CDK14: variants seen among roughly 807,000 people sequenced by gnomAD.
The protein encoded by CDK14 is cyclin dependent kinase 14.
A neutral mutation model predicts 60.7 loss-of-function variants in CDK14; 34 were observed. The ratio of observed to expected loss-of-function variants is 0.56; its 90% CI spans 0.43 to 0.75. CDK14 has a LOEUF of 0.75. CDK14 is among the 30% of genes least tolerant of loss of function. The probability of loss-of-function intolerance (pLI) is 0.00; values close to 1 mark genes in which losing one functional copy is unlikely to be tolerated. For synonymous variants in CDK14, 197 were observed against 203.7 expected, an observed-to-expected ratio of 0.97 and a Z score of 0.28; for missense variants, 482 against 564.1, an observed-to-expected ratio of 0.85 and a Z score of 1.47.
chr7:91,060,405 A>C (rs1441899242), intron 11 of CDK14, among the ~76,000 whole-genome samples: 1 of 152,024 alleles, frequency 6.6e-6, no homozygotes, highest in Non-Finnish European at 1.5e-5. Context: ...TTTACATTTA[A>C]GGTTAATATT....
intron 12 of CDK14, among the ~76,000 whole-genome samples, chr7:91,104,989 AT>A (rs1355269513): frequency 6.6e-6 from 1 of 152,226 alleles, no homozygotes; most frequent in Non-Finnish European, 1.5e-5. Flanking sequence ...GATTACAGGG[AT>A]TATAAATATA....
intron 8 of CDK14, among the ~76,000 whole-genome samples, chr7:90,947,094 G>A (rs531746019): frequency 2.0e-5 from 3 of 152,118 alleles, no homozygotes; most frequent in Non-Finnish European, 4.4e-5. Flanking sequence ...TTCTTCACAG[G>A]CTTTTTGTCT....
At chr7:90,807,228 G>C (rs1445515145) in intron 5 of CDK14, among the ~76,000 whole-genome samples, 1 of 152,224 alleles carries the variant, frequency 6.6e-6, no homozygotes, top group Non-Finnish European at 1.5e-5. Flanking sequence ...AGTAGGGGCA[G>C]ACTGACACCT....
chr7:90,776,468 A>T (rs1358714662), intron 4 of CDK14, among the ~76,000 whole-genome samples: 1 of 152,232 alleles, frequency 6.6e-6, no homozygotes, highest in Non-Finnish European at 1.5e-5. Flanking sequence ...ACAATCAAAC[A>T]TCAAAGCAGA....
intron 2 of CDK14, among the ~76,000 whole-genome samples, chr7:90,684,270 A>G (rs1353833587): frequency 1.3e-5 from 2 of 152,190 alleles, no homozygotes; most frequent in African/African-American, 2.4e-5. Context: ...ATAAACTTCC[A>G]TAAGTTGTTC....
rs1221742989 is a variant in CDK14 at position 90,649,393 on chromosome 7, C to T, written c.123+45144C>T. On this transcript the variant is annotated intron_variant, in intron 2 of 14. Coordinates refer to ENST00000380050, the MANE Select transcript of CDK14 (RefSeq NM_001287135.2). ...TCCTTCCTTCCTTCCTTCCTTCCTT[C>T]CTTCTTTCTTTCTTTCTTTCTTTCT... Among the ~76,000 whole-genome samples, 4 of 49,444 alleles carry T rather than the reference C, an allele frequency of 8.1e-5. 1 individual carries two copies. The highest frequency in any genetic ancestry group is 1.6e-4 in the Non-Finnish European group (4 of 25,126). The allele number at this position is 49,444 out of a possible 152,430, so 32.4% of individuals were successfully genotyped here.
chr7:90,636,501 A>G lies in CDK14; in HGVS notation c.123+32252A>G, dbSNP rs373127172. Among the ~76,000 whole-genome samples, 28 of 151,976 alleles carry G rather than the reference A, an allele frequency of 1.8e-4. No individual in the cohort carries two copies. The East Asian group carries it at 4.1e-3, about 22-fold the overall frequency. On this transcript the variant is annotated intron_variant, in intron 2 of 14. Coordinates refer to ENST00000380050, the MANE Select transcript of CDK14 (RefSeq NM_001287135.2). Reference sequence around the variant, plus strand: ...GATGAAGCCCACTTGATCATGGTGGATAAGCTTTTTGATGTGCTGCTGGAT... The same window carrying G: ...GATGAAGCCCACTTGATCATGGTGGGTAAGCTTTTTGATGTGCTGCTGGAT...
intron 10 of CDK14, among the ~76,000 whole-genome samples, chr7:90,992,026 A>G (rs1468511647): frequency 6.6e-6 from 1 of 152,258 alleles, no homozygotes; most frequent in Non-Finnish European, 1.5e-5. Flanking sequence ...TCCAGTGAAA[A>G]TGAAGATGTT....
intron 12 of CDK14, among the ~76,000 whole-genome samples, chr7:91,089,875 T>G (rs533859551): frequency 6.6e-6 from 1 of 152,204 alleles, no homozygotes; most frequent in Non-Finnish European, 1.5e-5. Context: ...ATTTTTTTCA[T>G]TTGGCTCTCA....
chr7:90,841,022 G>A (rs1790271528), intron 5 of CDK14, among the ~76,000 whole-genome samples: 1 of 152,130 alleles, frequency 6.6e-6, no homozygotes. Context: ...AGAAATGGGA[G>A]GGAAGGTATC....
At chr7:90,791,580 A>G (rs1232488477) in intron 5 of CDK14, among the ~76,000 whole-genome samples, 1 of 152,192 alleles carries the variant, frequency 6.6e-6, no homozygotes, top group Non-Finnish European at 1.5e-5. Context: ...TACATGTACA[A>G]CTATTGATAT....
At chr7:90,804,965 T>C (rs941872060) in intron 5 of CDK14, among the ~76,000 whole-genome samples, 1 of 151,890 alleles carries the variant, frequency 6.6e-6, no homozygotes, top group Non-Finnish European at 1.5e-5. Flanking sequence ...TCACCAAATC[T>C]TATGTTATAT....
chr7:90,640,148 C>T (rs1196330273), intron 2 of CDK14, among the ~76,000 whole-genome samples: 1 of 152,100 alleles, frequency 6.6e-6, no homozygotes, highest in Non-Finnish European at 1.5e-5. Context: ...CACTGTCTGG[C>T]ACTCCCTATT....
rs369045942 is a variant in CDK14 at position 90,909,827 on chromosome 7, TAAAG to T, written c.703-7771_703-7768del. ...AAAGCATATTAATGTTCAAAGATCT[TAAAG>T]AATGTAAATTAAATTGTTACATTAT... On this transcript the variant is annotated intron_variant, in intron 7 of 14. Transcript: ENST00000380050. 2.4e-4 allele frequency among the ~76,000 whole-genome samples: 37 copies of T among 152,268 alleles called. 1 individual carries two copies. In the South Asian group the frequency reaches 6.4e-3, roughly 26 times the overall value.
At chr7:91,167,112 A>C (rs765079986) in intron 14 of CDK14, among the ~76,000 whole-genome samples, 5 of 152,182 alleles carry the variant, frequency 3.3e-5, no homozygotes, top group Non-Finnish European at 7.3e-5. Flanking sequence ...AGTTTATTGA[A>C]GGGAAAGCCA....
intron 3 of CDK14, among the ~76,000 whole-genome samples, chr7:90,727,313 G>T (rs1203515242): frequency 6.6e-6 from 1 of 152,082 alleles, no homozygotes; most frequent in Non-Finnish European, 1.5e-5. Flanking sequence ...ACAAAGCCCT[G>T]TACTGAATGG....
intron 13 of CDK14, among the ~76,000 whole-genome samples, chr7:91,115,910 T>C (rs1799596516): frequency 6.6e-6 from 1 of 152,192 alleles, no homozygotes; most frequent in South Asian, 2.1e-4. Flanking sequence ...TTAGAGGTAA[T>C]GTATTAGTGT....
chr7:90,974,405 C>G (rs1329324010), intron 9 of CDK14, among the ~76,000 whole-genome samples: 4 of 152,130 alleles, frequency 2.6e-5, no homozygotes, highest in African/African-American at 9.7e-5. Context: ...GAGATTAAGA[C>G]AGGCATAAGA....
rs1307226617 is a variant in CDK14 at position 91,186,164 on chromosome 7, TC to T, written c.*29-21000del. 3.3e-3 allele frequency among the ~76,000 whole-genome samples: 46 copies of T among 14,032 alleles called. 7 individuals carry two copies. Among genetic ancestry groups the T allele is most frequent in the South Asian group, 7.0e-3 (1 of 142 alleles). The allele number at this position is 14,032 out of a possible 152,430, so 9.2% of individuals were successfully genotyped here. A position where few individuals can be genotyped will look rare whatever the true frequency, so the allele number is the denominator to read the frequency against. On this transcript the variant is annotated intron_variant, in intron 14 of 14. Transcript: ENST00000380050. ...TCTCCTCTCCTCTCCTCCCCTCCCCTCTCCTCTCCTCCCCTCCCCTCTCCTC... is the reference window on the plus strand; with the variant it reads ...TCTCCTCTCCTCTCCTCCCCTCCCCTTCCTCTCCTCCCCTCCCCTCTCCTC...
Sources: allele counts gnomAD v4.1 joint callset (sites outside exome capture counted in the v4.1 genomes callset), GRCh38; gene constraint gnomAD v4.1.1; transcripts MANE v1.5; gene names NCBI Gene and HGNC (gene_info 2026-07-23, HGNC 2026-07-21).